The following SCHIP1 variants were observed in gnomAD, a reference collection of about 807,000 sequenced individuals.
SCHIP1 encodes schwannomin-interacting protein 1.
SCHIP1 carries 8 observed loss-of-function variants against 29.7 expected under a neutral mutation model. The observed-to-expected ratio is 0.27, with a 90% CI of 0.16 to 0.49. The LOEUF (loss-of-function observed/expected upper bound fraction) is 0.49, where lower values mean the gene tolerates loss of function less well. SCHIP1 is among the 20% of genes least tolerant of loss of function. SCHIP1 has a pLI of 0.99. For synonymous variants in SCHIP1, 76 were observed against 94.9 expected (o/e 0.80, Z 1.16); for missense variants, 193 against 294.6 (o/e 0.66, Z 2.52).
chr3:159,832,448 T>A, the SCHIP1 span, among the ~76,000 whole-genome samples: 1 of 151,942 alleles, frequency 6.6e-6, no homozygotes, highest in African/African-American at 2.4e-5. Flanking sequence ...AAACATCAGC[T>A]ACATTGGCAA....
At chr3:159,714,569 C>T in the SCHIP1 span, among the ~76,000 whole-genome samples, 4 of 152,230 alleles carry the variant, frequency 2.6e-5, no homozygotes, top group African/African-American at 9.6e-5. Context: ...TTCCAATGGT[C>T]TTAGCAAACG....
chr3:159,480,390 C>T, the SCHIP1 span, among the ~76,000 whole-genome samples: 1 of 152,082 alleles, frequency 6.6e-6, no homozygotes, highest in Non-Finnish European at 1.5e-5. Context: ...CCACATGTTC[C>T]CTCTGTACCA....
At chr3:159,892,690 G>A (rs1717663080) in intron 6 of SCHIP1, 1 of 162,780 alleles carries the variant, frequency 6.1e-6, no homozygotes, top group South Asian at 2.0e-4. Context: ...TCCAGGACTT[G>A]AGTTTTTAGC....
chr3:159,372,491 TA>T, the SCHIP1 span, among the ~76,000 whole-genome samples: 3 of 152,150 alleles, frequency 2.0e-5, no homozygotes, highest in Non-Finnish European at 2.9e-5. Flanking sequence ...TATTTTAGAA[TA>T]TTTTTTAAGT....
the SCHIP1 span, among the ~76,000 whole-genome samples, chr3:159,594,544 G>T: frequency 6.6e-6 from 1 of 152,014 alleles, no homozygotes; most frequent in Admixed American, 6.6e-5. Flanking sequence ...CACTAAACCA[G>T]CCATCAGTTA....
chr3:159,536,307 T>C, the SCHIP1 span, among the ~76,000 whole-genome samples: 5 of 152,190 alleles, frequency 3.3e-5, no homozygotes, highest in African/African-American at 1.2e-4. Flanking sequence ...TAACAATCCA[T>C]GCCATGTCCC....
At chr3:159,778,352 T>C in the SCHIP1 span, among the ~76,000 whole-genome samples, 4 of 152,174 alleles carry the variant, frequency 2.6e-5, no homozygotes, top group East Asian at 3.8e-4. Flanking sequence ...AATTTTAGAT[T>C]TGCAAATAAA....
chr3:159,660,487 G>C, the SCHIP1 span, among the ~76,000 whole-genome samples: 3 of 152,034 alleles, frequency 2.0e-5, no homozygotes, highest in Non-Finnish European at 2.9e-5. Flanking sequence ...AGATCTGTGT[G>C]TGTATATATA....
At chr3:159,850,693 G>T (rs1336317366) in intron 1 of SCHIP1, among the ~76,000 whole-genome samples, 1 of 152,132 alleles carries the variant, frequency 6.6e-6, no homozygotes. Context: ...AAGGCAAAGG[G>T]GAAGCAGGCA....
chr3:159,779,124 A>C, the SCHIP1 span, among the ~76,000 whole-genome samples: 3 of 152,200 alleles, frequency 2.0e-5, no homozygotes, highest in African/African-American at 7.2e-5. Flanking sequence ...GAGAGGGTAC[A>C]TTATAGGCAA....
the SCHIP1 span, among the ~76,000 whole-genome samples, chr3:159,729,980 A>C: frequency 6.6e-6 from 1 of 152,350 alleles, no homozygotes; most frequent in South Asian, 2.1e-4. Flanking sequence ...TATCCAAGAT[A>C]TGTTGTTAAA....
the SCHIP1 span, among the ~76,000 whole-genome samples, chr3:159,728,279 T>A: frequency 6.0e-4 from 92 of 152,258 alleles, no homozygotes; most frequent in Admixed American, 1.8e-3. Flanking sequence ...TACCTTTATG[T>A]CTGGATTATC....
At chr3:159,307,828 G>A in the SCHIP1 span, among the ~76,000 whole-genome samples, 3 of 152,068 alleles carry the variant, frequency 2.0e-5, no homozygotes, top group South Asian at 2.1e-4. Flanking sequence ...ATTGATTAGC[G>A]ATTCCTTTCC....
chr3:159,345,141 T>G, the SCHIP1 span, among the ~76,000 whole-genome samples: 1 of 150,166 alleles, frequency 6.7e-6, no homozygotes, highest in Non-Finnish European at 1.5e-5. Context: ...GGCAGAGAAT[T>G]GCTTGAACTC....
intron 2 of SCHIP1, among the ~76,000 whole-genome samples, chr3:159,885,811 TTTGA>T (rs1184736211): frequency 2.0e-5 from 3 of 152,236 alleles, no homozygotes; most frequent in Non-Finnish European, 4.4e-5. Context: ...TGAGAGAGTC[TTTGA>T]TTGTCCCCCT....
At chr3:159,690,020 T>A in the SCHIP1 span, among the ~76,000 whole-genome samples, 463 of 152,346 alleles carry the variant, frequency 3.0e-3, 3 homozygotes, top group Middle Eastern at 0.01. Context: ...TTGAGGATTT[T>A]CGCATAGATG....
At position 159,892,094 on chromosome 3, in the gene SCHIP1, C is replaced by T. The variant is rs745406507; in HGVS notation, c.590-3C>T. ...TTTTTAAATGTTCTGTTATTTGCCA[C>T]AGGCTTGAATGAAGAGTTGGTCCAG... On this transcript the variant is annotated splice_region_variant and splice_polypyrimidine_tract_variant and intron_variant, in intron 5 of 6. Transcript: ENST00000445224. The T allele has an allele frequency of 2.5e-6, 4 of 1,609,276 alleles. No individual in the cohort carries two copies. In the South Asian group the frequency reaches 4.5e-5, roughly 18 times the overall value.
At chr3:159,570,006 G>T in the SCHIP1 span, among the ~76,000 whole-genome samples, 1,453 of 150,870 alleles carry the variant, frequency 9.6e-3, 14 homozygotes, top group African/African-American at 0.034. Flanking sequence ...GCCGACTTTT[G>T]GATGGGTTTT....
At chr3:159,349,666 C>G in the SCHIP1 span, among the ~76,000 whole-genome samples, 1 of 152,100 alleles carries the variant, frequency 6.6e-6, no homozygotes, top group Non-Finnish European at 1.5e-5. Flanking sequence ...CTATCAAATA[C>G]AGTTCTTATG....
Sources: allele counts gnomAD v4.1 joint callset (sites outside exome capture counted in the v4.1 genomes callset), GRCh38; gene constraint gnomAD v4.1.1; transcripts MANE v1.5; gene names NCBI Gene and HGNC (gene_info 2026-07-23, HGNC 2026-07-21).